CLCN3: variants seen among roughly 807,000 people sequenced by gnomAD.
The protein encoded by CLCN3 is Cl-/H+ antiporter 3.
A neutral mutation model predicts 83.4 loss-of-function variants in CLCN3; 16 were observed. The ratio of observed to expected loss-of-function variants is 0.19; its 90% CI spans 0.13 to 0.29. The LOEUF (loss-of-function observed/expected upper bound fraction) is 0.29. Ranked by LOEUF, CLCN3 falls within the 10% of genes least tolerant of loss-of-function variation. The probability of loss-of-function intolerance (pLI) is 1.00; values close to 1 mark genes in which losing one functional copy is unlikely to be tolerated. For missense variants in CLCN3, 544 were observed against 1,006.0 expected (o/e 0.54, Z 6.21); for synonymous variants, 322 against 346.2 (o/e 0.93, Z 0.78).
chr4:169,633,262 C>T lies in CLCN3; in HGVS notation c.-16-2651C>T, dbSNP rs190865078. Among the ~76,000 whole-genome samples the T allele has an allele frequency of 3.3e-4, 50 of 152,286 alleles. No homozygotes were observed. In the East Asian group the frequency reaches 7.1e-3, roughly 22 times the overall value. The stretch of plus-strand genomic sequence containing the variant: ...TTGACCTCAAGCGATCCAGCTGCCT[C>T]GGCCTCCCAAAGTGCTGGAACTACA... On this transcript the variant is annotated intron_variant, in intron 1 of 12. Transcript: ENST00000513761.
At chr4:169,687,285 A>C (rs1732198205) in intron 3 of CLCN3, among the ~76,000 whole-genome samples, 1 of 152,164 alleles carries the variant, frequency 6.6e-6, no homozygotes, top group East Asian at 1.9e-4. Context: ...GGTTCTTATT[A>C]AAATGCAGAT....
intron 10 of CLCN3, 29 bp downstream of exon 10, chr4:169,704,213 G>T: frequency 1.9e-6 from 3 of 1,591,050 alleles, no homozygotes; most frequent in Non-Finnish European, 2.6e-6. Context: ...CCTGTGTGTG[G>T]ATGTTTGCAA....
intron 8 of CLCN3, among the ~76,000 whole-genome samples, chr4:169,696,861 T>C (rs1732583283): frequency 1.3e-5 from 2 of 151,910 alleles, no homozygotes; most frequent in Non-Finnish European, 1.5e-5. Flanking sequence ...CATTATAAGT[T>C]AACAGGAGTT....
At chr4:169,697,167 C>G in intron 8 of CLCN3, 22 bp from the exon 9 acceptor site, 2 of 1,480,100 alleles carry the variant, frequency 1.4e-6, no homozygotes, top group African/African-American at 2.8e-5. Context: ...ATTAATTTTT[C>G]TTTTCCTTTT....
Position 169,633,068 on chromosome 4 carries a change from A to G in CLCN3, c.-16-2845A>G, listed in dbSNP as rs149972804. Among the ~76,000 whole-genome samples the G allele has an allele frequency of 9.5e-4, 145 of 152,282 alleles. 1 individual carries two copies. In the East Asian group the frequency reaches 0.025, roughly 26 times the overall value. On this transcript the variant is annotated intron_variant, in intron 1 of 12. Coordinates refer to ENST00000513761, the MANE Select transcript of CLCN3 (RefSeq NM_001829.4). ...CACTCTGTTTCCCAGGCTGGAGTGC[A>G]GTGGCATAATCTCAGCTCACTGCAA... is the stretch of plus-strand genomic sequence containing the variant.
intron 2 of CLCN3, among the ~76,000 whole-genome samples, chr4:169,663,317 G>T (rs559861296): frequency 0.25 from 841 of 3,378 alleles, 14 homozygotes; most frequent in Admixed American, 0.33. Flanking sequence ...GGGTTTTTTT[G>T]TTGTTGTTGT....
At position 169,712,939 on chromosome 4, in the gene CLCN3, C is replaced by T; in HGVS notation, c.2150-140C>T. 3 of 633,006 alleles carry T rather than the reference C, an allele frequency of 4.7e-6. No homozygotes were observed. The South Asian group carries it at 6.2e-5, about 13-fold the overall frequency. 39.2% of individuals were successfully genotyped at this position (633,006 alleles called of 1,614,324 possible). ...AAATGGCTTTTCAGTTGACTCCTTTCTTGGTTAAGGAGAAGATAGGAAAAA... is the reference window on the plus strand; with the variant it reads ...AAATGGCTTTTCAGTTGACTCCTTTTTTGGTTAAGGAGAAGATAGGAAAAA... On this transcript the variant is annotated intron_variant, in intron 11 of 12. Transcript: ENST00000513761.
At position 169,722,063 on chromosome 4, in the gene CLCN3, C is replaced by T. The variant is rs1327918968; in HGVS notation, c.*2066C>T. ...CAACTCCTCAGCTCAAGCAATCTGC[C>T]TGCGTGAGCCTCCCAAAGTGGTGGA... On this transcript the variant is annotated 3_prime_UTR_variant, in exon 13 of 13. Transcript: ENST00000513761. 1.3e-5 allele frequency: 2 copies of T among 152,252 alleles called. No individual in the cohort carries two copies. Among genetic ancestry groups the T allele is most frequent in the African/African-American group, 4.8e-5 (2 of 41,456 alleles). The allele number at this position is 152,252 out of a possible 1,614,324, so 9.4% of individuals were successfully genotyped here. A position where few individuals can be genotyped will look rare whatever the true frequency, so the allele number is the denominator to read the frequency against.
chr4:169,711,169 C>T (rs978501606), intron 11 of CLCN3, among the ~76,000 whole-genome samples: 1 of 152,176 alleles, frequency 6.6e-6, no homozygotes, highest in Non-Finnish European at 1.5e-5. Context: ...ACATTTTATA[C>T]TATTGATGTC....
chr4:169,683,538 A>G (rs781406924), intron 3 of CLCN3, among the ~76,000 whole-genome samples: 14 of 152,126 alleles, frequency 9.2e-5, no homozygotes, highest in Non-Finnish European at 2.1e-4. Flanking sequence ...GAGTATGTAA[A>G]TGGTTAGTGT....
In CLCN3 at chr4:169,697,594, A is replaced by G. The variant is rs1732614376; in HGVS notation, c.1423A>G (p.Arg475Gly). The G allele has an allele frequency of 6.2e-7, 1 of 1,614,208 alleles. No homozygotes were observed. ...GGAATCCTCTTCTCTTTGTGACTAC[A>G]GAAATGACATGAATGCCAGTAAAAT... Reference protein sequence around the residue: ...PLESSSLCDYRNDMNASKIVD... With the variant: ...PLESSSLCDYGNDMNASKIVD... The change falls in exon 9 of 13, where the codon AGA (arginine) becomes GGA (glycine). Residue 475 changes from arginine to glycine, a missense_variant. Arg to Gly is a moderately radical substitution (Grantham distance 125). Coordinates refer to ENST00000513761, the MANE Select transcript of CLCN3 (RefSeq NM_001829.4).
chr4:169,664,480 T>A (rs745611176), intron 2 of CLCN3, among the ~76,000 whole-genome samples: 9 of 152,194 alleles, frequency 5.9e-5, no homozygotes, highest in Non-Finnish European at 1.3e-4. Context: ...GTAAAATGAT[T>A]TTAGGATTCA....
chr4:169,687,931 C>T (rs1425822737), intron 4 of CLCN3, among the ~76,000 whole-genome samples, 174 bp downstream of exon 4: 1 of 152,342 alleles, frequency 6.6e-6, no homozygotes, highest in East Asian at 1.9e-4. Flanking sequence ...CAAGTCTAGT[C>T]TTGGCTCTAT....
At chr4:169,632,279 G>T (rs1358111474) in intron 1 of CLCN3, among the ~76,000 whole-genome samples, 1 of 152,146 alleles carries the variant, frequency 6.6e-6, no homozygotes, top group Non-Finnish European at 1.5e-5. Context: ...TGAAAGATCA[G>T]TGAGTCTAGA....
intron 9 of CLCN3, among the ~76,000 whole-genome samples, chr4:169,703,664 C>CTTTTTTTTT (rs112073521): frequency 1.4e-5 from 2 of 142,376 alleles, no homozygotes. Context: ...GCATATTGTC[C>CTTTTTTTTT]TTTTTTTTTT....
At chr4:169,696,907 A>T (rs10155109) in intron 8 of CLCN3, among the ~76,000 whole-genome samples, 1,718 of 152,000 alleles carry the variant, frequency 0.011, 38 homozygotes, top group African/African-American at 0.039. Flanking sequence ...ACCATGATTG[A>T]ATTGAATGTG....
chr4:169,658,083 A>G (rs1191617746), intron 2 of CLCN3, among the ~76,000 whole-genome samples: 3 of 152,098 alleles, frequency 2.0e-5, no homozygotes, highest in Admixed American at 1.3e-4. Context: ...TAGGTTTATT[A>G]TTACAAAAGT....
chr4:169,654,270 TCTC>T (rs929377420), intron 2 of CLCN3, among the ~76,000 whole-genome samples: 5 of 151,994 alleles, frequency 3.3e-5, no homozygotes, highest in Admixed American at 2.0e-4. Context: ...TCTCTCTTGT[TCTC>T]CTTTCTCTCC....
chr4:169,713,867 A>G (rs1001622307), intron 12 of CLCN3, among the ~76,000 whole-genome samples: 5 of 152,226 alleles, frequency 3.3e-5, no homozygotes, highest in African/African-American at 4.8e-5. Flanking sequence ...TTATATTTAT[A>G]TAACTGCTAA....
Sources: gnomAD v4.1 joint callset for allele counts (sites outside exome capture counted in the v4.1 genomes callset) on GRCh38, gnomAD v4.1.1 for gene constraint, MANE v1.5 for transcripts, NCBI Gene and HGNC (gene_info 2026-07-23, HGNC 2026-07-21) for gene names.